FHIT: variants seen among roughly 807,000 people sequenced by gnomAD.
FHIT encodes the protein bis(5'-adenosyl)-triphosphatase.
In FHIT, 19 loss-of-function variants were observed where a neutral mutation model predicts 17.9. The ratio of observed to expected loss-of-function variants is 1.06; its 90% CI spans 0.74 to 1.56. FHIT has a LOEUF of 1.56. FHIT is among the 40% of genes most tolerant of loss of function. The pLI is 0.00. For missense variants in FHIT, 248 were observed against 189.2 expected (o/e 1.31, Z -1.82); for synonymous variants, 81 against 69.7 (o/e 1.16, Z -0.81).
rs541736595 is a variant in FHIT at position 60,941,498 on chromosome 3, G to A, written c.-111+100549C>T. Reference sequence around the variant, plus strand: ...TTTGCATTTATAAGGGATGGATACGGAGGTCCCCTCTGCTCTCCCTTCTCT... The same window carrying A: ...TTTGCATTTATAAGGGATGGATACGAAGGTCCCCTCTGCTCTCCCTTCTCT... On this transcript the variant is annotated intron_variant, in intron 3 of 9. Transcript: ENST00000492590. Among the ~76,000 whole-genome samples, 335 of 152,254 alleles carry A rather than the reference G, an allele frequency of 2.2e-3. 1 individual carries two copies. The highest frequency in any genetic ancestry group is 7.5e-3 in the African/African-American group (312 of 41,550).
chr3:60,974,452 G>A (rs1710152979), intron 3 of FHIT, among the ~76,000 whole-genome samples: 2 of 152,292 alleles, frequency 1.3e-5, no homozygotes, highest in Admixed American at 6.5e-5. Flanking sequence ...CTGCTGGTTG[G>A]TAAAGGGATA....
At chr3:59,753,323 T>C (rs1701021977) in intron 8 of FHIT, among the ~76,000 whole-genome samples, 1 of 152,180 alleles carries the variant, frequency 6.6e-6, no homozygotes, top group African/African-American at 2.4e-5. Flanking sequence ...GTCTCAAAAT[T>C]AACACTTGAA....
At chr3:60,129,049 G>GTTGTTTTTTTTTTTTTTTTTTT (rs759645654) in intron 5 of FHIT, among the ~76,000 whole-genome samples, 3 of 121,042 alleles carry the variant, frequency 2.5e-5, no homozygotes, top group Admixed American at 8.8e-5. Flanking sequence ...TTCCTTTTTT[G>GTTGTTTTTTTTTTTTTTTTTTT]TTTGTTTTTT....
chr3:60,077,528 TA>T (rs5849324), intron 5 of FHIT: 16 of 149,828 alleles, frequency 1.1e-4, no homozygotes, highest in African/African-American at 3.2e-4. Context: ...TACAAATGGC[TA>T]AAAAAAAACA....
At chr3:60,581,007 G>C (rs2107679576) in intron 4 of FHIT, among the ~76,000 whole-genome samples, 1 of 152,190 alleles carries the variant, frequency 6.6e-6, no homozygotes, top group Admixed American at 6.6e-5. Context: ...AGATTGCATA[G>C]TTCTAATAGG....
At chr3:59,823,296 A>T (rs936629590) in intron 8 of FHIT, among the ~76,000 whole-genome samples, 2 of 152,108 alleles carry the variant, frequency 1.3e-5, no homozygotes, top group Admixed American at 6.6e-5. Context: ...TTCCATATGA[A>T]TTTTAGAATT....
intron 8 of FHIT, among the ~76,000 whole-genome samples, chr3:59,771,441 A>G (rs1396067610): frequency 6.6e-6 from 1 of 152,228 alleles, no homozygotes; most frequent in Admixed American, 6.5e-5. Context: ...AAAGCTTGAC[A>G]CCAGATAAAG....
At chr3:61,192,522 G>C (rs1172784395) in intron 2 of FHIT, among the ~76,000 whole-genome samples, 1 of 152,140 alleles carries the variant, frequency 6.6e-6, no homozygotes, top group Non-Finnish European at 1.5e-5. Context: ...ACATCCCTGG[G>C]GCAGCAGGTA....
In FHIT at chr3:60,381,417, G is replaced by T. The variant is rs547597305; in HGVS notation, c.103+155443C>A. 1.4e-3 allele frequency among the ~76,000 whole-genome samples: 218 copies of T among 151,686 alleles called. 1 individual carries two copies. The highest frequency in any genetic ancestry group is 1.6e-3 in the Admixed American group (25 of 15,222). On this transcript the variant is annotated intron_variant, in intron 5 of 9. Coordinates refer to ENST00000492590, the MANE Select transcript of FHIT (RefSeq NM_002012.4). ...TGCTTGAACCTGGGAAGTGGAGATT[G>T]CAATGAGCCGAGACCGTGCCATTGC...
chr3:60,321,840 C>T (rs1452788230), intron 5 of FHIT, among the ~76,000 whole-genome samples: 1 of 152,178 alleles, frequency 6.6e-6, no homozygotes, highest in Non-Finnish European at 1.5e-5. Context: ...CTTCTTGAAG[C>T]ATCTTCAGTG....
chr3:60,656,017 G>T (rs1455942416), intron 4 of FHIT, among the ~76,000 whole-genome samples: 2 of 152,188 alleles, frequency 1.3e-5, no homozygotes, highest in Non-Finnish European at 2.9e-5. Flanking sequence ...AGAAAAGGTT[G>T]GTTCTGAGTT....
At chr3:60,538,368 G>C (rs988236165) in intron 4 of FHIT, among the ~76,000 whole-genome samples, 1 of 152,082 alleles carries the variant, frequency 6.6e-6, no homozygotes, top group African/African-American at 2.4e-5. Flanking sequence ...TACTGTCCAA[G>C]GTAATTTATA....
In FHIT at chr3:60,436,889, G is replaced by T. The variant is rs114534945; in HGVS notation, c.103+99971C>A. Reference sequence around the variant, plus strand: ...CTAATGTCTAGGAAAAACATTATTGGTCTGAGGTTCTTTTAACTACCCATC... The same window carrying T: ...CTAATGTCTAGGAAAAACATTATTGTTCTGAGGTTCTTTTAACTACCCATC... On this transcript the variant is annotated intron_variant, in intron 5 of 9. Transcript: ENST00000492590. Among the ~76,000 whole-genome samples, 723 of 152,124 alleles carry T rather than the reference G, an allele frequency of 4.8e-3. 15 individuals carry two copies. The highest frequency in any genetic ancestry group is 0.02 in the Middle Eastern group (6 of 294).
chr3:59,755,728 C>T (rs544938695), intron 8 of FHIT, among the ~76,000 whole-genome samples: 11 of 152,264 alleles, frequency 7.2e-5, no homozygotes, highest in South Asian at 2.1e-4. Context: ...ACACACCAAA[C>T]GGCTGATTCT....
chr3:60,938,064 A>C (rs1207721004), intron 3 of FHIT, among the ~76,000 whole-genome samples: 1 of 151,822 alleles, frequency 6.6e-6, no homozygotes, highest in Non-Finnish European at 1.5e-5. Context: ...TCCACAGAAA[A>C]CTCCAGGAGA....
intron 1 of FHIT, among the ~76,000 whole-genome samples, chr3:61,211,621 A>G (rs548360671): frequency 1.5e-3 from 225 of 152,326 alleles, no homozygotes; most frequent in African/African-American, 4.9e-3. Context: ...GCAGACTTCA[A>G]TGTCCCTGTC....
At chr3:60,586,836 C>A (rs74503191) in intron 4 of FHIT, among the ~76,000 whole-genome samples, 6,035 of 151,890 alleles carry the variant, frequency 0.04, 400 homozygotes, top group African/African-American at 0.14. Flanking sequence ...ACAATGGGAC[C>A]TGCTTGAGGG....
intron 8 of FHIT, among the ~76,000 whole-genome samples, chr3:59,903,168 T>C (rs1433614698): frequency 6.6e-6 from 1 of 152,062 alleles, no homozygotes; most frequent in African/African-American, 2.4e-5. Flanking sequence ...TTATGGTAAA[T>C]GGAAAAGACA....
intron 3 of FHIT, among the ~76,000 whole-genome samples, chr3:60,866,667 T>G (rs1233852570): frequency 6.6e-6 from 1 of 152,242 alleles, no homozygotes; most frequent in Non-Finnish European, 1.5e-5. Context: ...TGGCATAATT[T>G]GTTATGCAGC....
Sources: gnomAD v4.1 joint callset for allele counts (sites outside exome capture counted in the v4.1 genomes callset) on GRCh38, gnomAD v4.1.1 for gene constraint, MANE v1.5 for transcripts, NCBI Gene and HGNC (gene_info 2026-07-23, HGNC 2026-07-21) for gene names.